The following AGAP1 variants were observed in gnomAD, a reference collection of about 807,000 sequenced individuals.
AGAP1 encodes arf-GAP with GTPase, ANK repeat and PH domain-containing protein 1.
Under a neutral mutation model 105.3 loss-of-function variants are expected in AGAP1, and 29 were observed. That is an observed-to-expected ratio of 0.28 (90% CI 0.21 to 0.38). The LOEUF (loss-of-function observed/expected upper bound fraction) is 0.38. Ranked by LOEUF, AGAP1 falls within the 10% of genes least tolerant of loss-of-function variation. AGAP1 has a pLI of 1.00. For missense variants in AGAP1, 998 were observed against 1,165.1 expected (o/e 0.86, Z 2.09); for synonymous variants, 509 against 485.9 (o/e 1.05, Z -0.63).
rs1474766436 is a variant in AGAP1 at position 235,719,967 on chromosome 2, G to A, written c.310+2323G>A. On this transcript the variant is annotated intron_variant, in intron 3 of 17. Coordinates refer to ENST00000304032, the MANE Select transcript of AGAP1 (RefSeq NM_001037131.3). This position sits in a 1 kb window ranked among gnomAD's most constrained non-coding sequence, Gnocchi z 4.9. ...TTCTCATGGCTGAGCCACCTTTCCCGTGTAGAACCAAGCAGGTGGCCACTG... is the reference window on the plus strand; with the variant it reads ...TTCTCATGGCTGAGCCACCTTTCCCATGTAGAACCAAGCAGGTGGCCACTG... Among the ~76,000 whole-genome samples, 4 of 152,152 alleles carry A rather than the reference G, an allele frequency of 2.6e-5. No individual in the cohort carries two copies. Among genetic ancestry groups the A allele is most frequent in the African/African-American group, 7.2e-5 (3 of 41,440 alleles).
At position 235,953,204 on chromosome 2, in the gene AGAP1, G is replaced by T. The variant is rs144975947; in HGVS notation, c.1484-15258G>T. ...AACAAGAAGTTTTTCAAATATTTTA[G>T]GTGTTTACAAAATATTTCTATGAGG... On this transcript the variant is annotated intron_variant, in intron 12 of 17. Transcript: ENST00000304032. The surrounding 1 kb of genome is among the most constrained non-coding windows in gnomAD (Gnocchi z 5.2). Among the ~76,000 whole-genome samples the T allele has an allele frequency of 6.6e-6, 1 of 152,106 alleles. No individual in the cohort carries two copies. Among genetic ancestry groups the T allele is most frequent in the Non-Finnish European group, 1.5e-5 (1 of 68,020 alleles).
chr2:235,706,217 G>GT (rs1438577937), intron 1 of AGAP1, among the ~76,000 whole-genome samples: 6 of 150,192 alleles, frequency 4.0e-5, no homozygotes, highest in Non-Finnish European at 7.5e-5. Context: ...GTTTTGTTTT[G>GT]TTTGTTTGTT....
chr2:236,019,863 GC>G (rs1331370328), intron 13 of AGAP1, among the ~76,000 whole-genome samples: 1 of 152,196 alleles, frequency 6.6e-6, no homozygotes, highest in East Asian at 1.9e-4. Flanking sequence ...TCTGATCAAG[GC>G]CCCCGCCAAA....
intron 1 of AGAP1, among the ~76,000 whole-genome samples, chr2:235,628,010 T>C (rs1376007165): frequency 6.6e-6 from 1 of 152,126 alleles, no homozygotes; most frequent in Non-Finnish European, 1.5e-5. Flanking sequence ...TGCCCTTGAC[T>C]GACACAGGGA....
chr2:235,518,490 A>G (rs913209242), intron 1 of AGAP1, among the ~76,000 whole-genome samples: 7 of 152,174 alleles, frequency 4.6e-5, no homozygotes, highest in African/African-American at 1.7e-4. Context: ...GGTTTCATAG[A>G]AATTCCTTGG....
At chr2:235,538,528 T>C (rs552597239) in intron 1 of AGAP1, among the ~76,000 whole-genome samples, 1 of 151,546 alleles carries the variant, frequency 6.6e-6, no homozygotes, top group South Asian at 2.1e-4. Context: ...GGTCCTGTTC[T>C]CTGCACAGTT....
At chr2:235,766,472 T>C (rs1307103817) in intron 6 of AGAP1, among the ~76,000 whole-genome samples, 1 of 152,164 alleles carries the variant, frequency 6.6e-6, no homozygotes, top group East Asian at 1.9e-4. Flanking sequence ...AGAATACAGA[T>C]ATAATAAAAC....
At position 236,055,277 on chromosome 2, in the gene AGAP1, C is replaced by A. The variant is rs1453053841; in HGVS notation, c.2114+5996C>A. 6.6e-6 allele frequency among the ~76,000 whole-genome samples: 1 copy of A among 152,192 alleles called. No homozygotes were observed. Among genetic ancestry groups the A allele is most frequent in the Admixed American group, 6.5e-5 (1 of 15,284 alleles). ...ATAGCAAGGACAGTTTAACTTTCTT[C>A]TTCGCCGTGCAGACCCCCCTACATG... On this transcript the variant is annotated intron_variant, in intron 16 of 17. Transcript: ENST00000304032. This position sits in a 1 kb window ranked among gnomAD's most constrained non-coding sequence, Gnocchi z 6.2.
At chr2:235,548,802 A>G (rs746869052) in intron 1 of AGAP1, among the ~76,000 whole-genome samples, 3 of 152,224 alleles carry the variant, frequency 2.0e-5, no homozygotes, top group Non-Finnish European at 4.4e-5. Flanking sequence ...CTTTCATTAC[A>G]AAAGTACCCA....
rs1386516804 is a variant in AGAP1 at position 235,611,220 on chromosome 2, C to A, written c.164-97959C>A. On this transcript the variant is annotated intron_variant, in intron 1 of 17. Coordinates refer to ENST00000304032, the MANE Select transcript of AGAP1 (RefSeq NM_001037131.3). The surrounding 1 kb of genome is among the most constrained non-coding windows in gnomAD (Gnocchi z 5.0). ...CACTTCATGCTGTCTTGCCAGAGCA[C>A]CTTCCCAGGCAGCTGCAAAGGTGGT... 6.6e-6 allele frequency among the ~76,000 whole-genome samples: 1 copy of A among 152,106 alleles called. No homozygotes were observed. The highest frequency in any genetic ancestry group is 2.4e-5 in the African/African-American group (1 of 41,396).
chr2:236,122,409 A>G (rs575496274), intron 17 of AGAP1, among the ~76,000 whole-genome samples: 17 of 152,264 alleles, frequency 1.1e-4, no homozygotes, highest in Admixed American at 1.0e-3. Flanking sequence ...CACAGTTATA[A>G]ATTACAGGCC....
At position 235,777,022 on chromosome 2, in the gene AGAP1, T is replaced by C. The variant is rs1167188679; in HGVS notation, c.674-20737T>C. The C allele has an allele frequency of 6.4e-6, 3 of 471,192 alleles. No homozygotes were observed. In the Admixed American group the frequency reaches 7.0e-5, roughly 11 times the overall value. The allele number at this position is 471,192 out of a possible 1,614,324, so 29.2% of individuals were successfully genotyped here. On this transcript the variant is annotated intron_variant, in intron 6 of 17. Transcript: ENST00000304032. This position sits in a 1 kb window ranked among gnomAD's most constrained non-coding sequence, Gnocchi z 5.1. ...CGTTTTATCATGTGAGCGTCTGCTC[T>C]TGAGAGGCCAGGCTGGATCCTGCAG...
chr2:235,707,618 T>C (rs952989644), intron 1 of AGAP1, among the ~76,000 whole-genome samples: 4 of 132,856 alleles, frequency 3.0e-5, no homozygotes, highest in Admixed American at 3.0e-4. Context: ...GCGTGTGACT[T>C]GGTGGGACGT....
chr2:235,857,104 G>T (rs1247675763), intron 9 of AGAP1, among the ~76,000 whole-genome samples: 2 of 152,162 alleles, frequency 1.3e-5, no homozygotes, highest in African/African-American at 2.4e-5. Context: ...TGGCAGCCTG[G>T]TACCAGTCTG....
At position 235,874,462 on chromosome 2, in the gene AGAP1, T is replaced by G. The variant is rs2049610359; in HGVS notation, c.1051-8883T>G. Among the ~76,000 whole-genome samples the G allele has an allele frequency of 6.6e-6, 1 of 152,146 alleles. No individual in the cohort carries two copies. The highest frequency in any genetic ancestry group is 2.4e-5 in the African/African-American group (1 of 41,442). On this transcript the variant is annotated intron_variant, in intron 9 of 17. Coordinates refer to ENST00000304032, the MANE Select transcript of AGAP1 (RefSeq NM_001037131.3). The surrounding 1 kb of genome is among the most constrained non-coding windows in gnomAD (Gnocchi z 4.5). ...AGACATGGCTGCCCTCATGCCTCCT[T>G]GGGGCCAGGGCTGTGGTTATAGTTG...
At chr2:235,686,653 ATATATATATATATTT>A (rs1949448751) in intron 1 of AGAP1, among the ~76,000 whole-genome samples, 4 of 59,064 alleles carry the variant, frequency 6.8e-5, no homozygotes, top group African/African-American at 5.5e-4. Context: ...ATAGATATAT[ATATATATATATATTT>A]TTTTTTTTTT....
chr2:235,787,650 GT>G lies in AGAP1; in HGVS notation c.674-10108del, dbSNP rs1487756780. ...ACTAGTTGCTCAATAAAAACAGTCA[GT>G]AAATGGGATGAGTGAGGGATGCTAT... On this transcript the variant is annotated intron_variant, in intron 6 of 17. Transcript: ENST00000304032. This position sits in a 1 kb window ranked among gnomAD's most constrained non-coding sequence, Gnocchi z 4.4. 7.2e-5 allele frequency among the ~76,000 whole-genome samples: 11 copies of G among 152,166 alleles called. No individual in the cohort carries two copies. Among genetic ancestry groups the G allele is most frequent in the African/African-American group, 2.7e-4 (11 of 41,438 alleles).
At position 235,750,539 on chromosome 2, in the gene AGAP1, C is replaced by T. The variant is rs151207771; in HGVS notation, c.673+51C>T. 1.6e-5 allele frequency: 26 copies of T among 1,609,664 alleles called. No individual in the cohort carries two copies. Among genetic ancestry groups the T allele is most frequent in the Non-Finnish European group, 2.1e-5 (25 of 1,176,650 alleles). On this transcript the variant is annotated intron_variant, in intron 6 of 17. Coordinates refer to ENST00000304032, the MANE Select transcript of AGAP1 (RefSeq NM_001037131.3). The surrounding 1 kb of genome is among the most constrained non-coding windows in gnomAD (Gnocchi z 5.3). ...ATTTCAGTTCATGATAGACGGGAGG[C>T]ACTTCAAGAAGTCAGTCCTGCCTGC... is the stretch of plus-strand genomic sequence containing the variant.
chr2:235,534,857 G>A (rs751775782), intron 1 of AGAP1, among the ~76,000 whole-genome samples: 3 of 152,098 alleles, frequency 2.0e-5, no homozygotes, highest in Non-Finnish European at 4.4e-5. Flanking sequence ...TAGCTGTCAG[G>A]GTATCTCGTT....
Sources: gnomAD v4.1 joint callset for allele counts (sites outside exome capture counted in the v4.1 genomes callset) on GRCh38, gnomAD v4.1.1 for gene constraint, Gnocchi (gnomAD v3.1) non-coding constraint, MANE v1.5 for transcripts, NCBI Gene and HGNC (gene_info 2026-07-23, HGNC 2026-07-21) for gene names.